HIVEP3: variants seen among roughly 807,000 people sequenced by gnomAD.
The protein encoded by HIVEP3 is transcription factor HIVEP3.
HIVEP3 carries 49 observed loss-of-function variants against 152.8 expected under a neutral mutation model. The ratio of observed to expected loss-of-function variants is 0.32; its 90% CI spans 0.26 to 0.41. The LOEUF is 0.41. HIVEP3 is among the 10% of genes least tolerant of loss of function. HIVEP3 has a pLI of 1.00. For synonymous variants in HIVEP3, 1,269 were observed against 1,289.0 expected (o/e 0.98, Z 0.33); for missense variants, 2,790 against 3,103.3 (o/e 0.90, Z 2.40).
intron 1 of HIVEP3, among the ~76,000 whole-genome samples, chr1:42,006,574 A>C (rs1208945565): frequency 1.3e-5 from 2 of 151,912 alleles, no homozygotes; most frequent in Non-Finnish European, 2.9e-5. Context: ...AGCCAAAAAA[A>C]AAAAAAAAAA....
At chr1:41,552,090 C>T (rs1424714726) in intron 5 of HIVEP3, among the ~76,000 whole-genome samples, 3 of 152,148 alleles carry the variant, frequency 2.0e-5, no homozygotes, top group Non-Finnish European at 2.9e-5. Flanking sequence ...TGTCTTTGTT[C>T]TCATTGGTTT....
At chr1:41,789,362 T>C (rs970498349) in intron 1 of HIVEP3, among the ~76,000 whole-genome samples, 4 of 152,130 alleles carry the variant, frequency 2.6e-5, no homozygotes, top group Non-Finnish European at 5.9e-5. Context: ...GGGAAATGAG[T>C]TCATATGCGT....
At chr1:41,544,479 G>A (rs1423206157) in intron 5 of HIVEP3, among the ~76,000 whole-genome samples, 2 of 151,838 alleles carry the variant, frequency 1.3e-5, no homozygotes, top group Admixed American at 6.6e-5. Flanking sequence ...TTGCTAGTGA[G>A]AGAACTATTC....
chr1:41,611,998 C>T (rs1443451843), intron 3 of HIVEP3, among the ~76,000 whole-genome samples: 1 of 152,038 alleles, frequency 6.6e-6, no homozygotes, highest in Non-Finnish European at 1.5e-5. Context: ...CTACAGGACC[C>T]AACCTCACCT....
At chr1:41,638,012 A>T (rs1392118018) in intron 2 of HIVEP3, among the ~76,000 whole-genome samples, 1 of 152,194 alleles carries the variant, frequency 6.6e-6, no homozygotes, top group Non-Finnish European at 1.5e-5. Flanking sequence ...ATGTGTACAC[A>T]TGGACACGAA....
intron 5 of HIVEP3, among the ~76,000 whole-genome samples, chr1:41,557,879 T>C (rs1643992505): frequency 6.6e-6 from 1 of 152,190 alleles, no homozygotes; most frequent in Admixed American, 6.5e-5. Flanking sequence ...TGGTGAGGCA[T>C]GGCGAGAACC....
chr1:41,862,397 T>A (rs1224181330), intron 1 of HIVEP3, among the ~76,000 whole-genome samples: 1 of 152,202 alleles, frequency 6.6e-6, no homozygotes, highest in Non-Finnish European at 1.5e-5. Context: ...TTCCTTCTGC[T>A]GAAATACTGT....
chr1:41,994,831 G>A (rs746463057), intron 1 of HIVEP3, among the ~76,000 whole-genome samples: 1 of 151,964 alleles, frequency 6.6e-6, no homozygotes, highest in Non-Finnish European at 1.5e-5. Flanking sequence ...AAGCCTATCT[G>A]CACAGAACAA....
At chr1:41,746,369 G>A (rs1160517157) in intron 1 of HIVEP3, among the ~76,000 whole-genome samples, 2 of 152,232 alleles carry the variant, frequency 1.3e-5, no homozygotes, top group Non-Finnish European at 2.9e-5. Context: ...AAATGGGACT[G>A]GCTGTGAAGT....
At chr1:41,844,943 AG>A (rs1643394330) in intron 1 of HIVEP3, among the ~76,000 whole-genome samples, 1 of 152,176 alleles carries the variant, frequency 6.6e-6, no homozygotes, top group African/African-American at 2.4e-5. Context: ...CAGCCTGGAG[AG>A]GGGAGAAGAG....
chr1:41,994,116 A>G (rs914183816), intron 1 of HIVEP3, among the ~76,000 whole-genome samples: 13 of 151,932 alleles, frequency 8.6e-5, no homozygotes, highest in African/African-American at 2.7e-4. Flanking sequence ...TAACCTGCAC[A>G]ATGTGCACAT....
chr1:42,015,357 C>T (rs1003559004), intron 1 of HIVEP3, among the ~76,000 whole-genome samples: 1 of 152,224 alleles, frequency 6.6e-6, no homozygotes, highest in African/African-American at 2.4e-5. Context: ...GGGCCTTACT[C>T]AGTGAGTGCC....
At chr1:41,904,524 G>A (rs1305926483) in intron 1 of HIVEP3, among the ~76,000 whole-genome samples, 1 of 152,150 alleles carries the variant, frequency 6.6e-6, no homozygotes, top group Non-Finnish European at 1.5e-5. Context: ...ATCCATGGAA[G>A]GTGCTTACCG....
chr1:41,998,186 G>T (rs545347113), intron 1 of HIVEP3, among the ~76,000 whole-genome samples: 1 of 151,928 alleles, frequency 6.6e-6, no homozygotes, highest in Non-Finnish European at 1.5e-5. Flanking sequence ...TTTTTAAAAG[G>T]AAAGCCAATA....
At chr1:41,553,246 T>G (rs1333765333) in intron 5 of HIVEP3, among the ~76,000 whole-genome samples, 1 of 152,242 alleles carries the variant, frequency 6.6e-6, no homozygotes, top group African/African-American at 2.4e-5. Context: ...CCTTTACCAT[T>G]ATGTAATGGC....
intron 1 of HIVEP3, among the ~76,000 whole-genome samples, chr1:41,867,383 G>A (rs1557464802): frequency 6.6e-6 from 1 of 152,136 alleles, no homozygotes; most frequent in Non-Finnish European, 1.5e-5. Context: ...AGTTTGAGGT[G>A]CCATATAAAA....
chr1:41,622,775 A>T (rs1645064960), intron 3 of HIVEP3, among the ~76,000 whole-genome samples: 1 of 152,240 alleles, frequency 6.6e-6, no homozygotes. Flanking sequence ...GGAGCAGGCA[A>T]GCCAGGGGAA....
intron 5 of HIVEP3, among the ~76,000 whole-genome samples, chr1:41,539,497 G>C (rs771975697): frequency 6.6e-6 from 1 of 152,200 alleles, no homozygotes; most frequent in Non-Finnish European, 1.5e-5. Context: ...GGTGGGGCTG[G>C]ACCTAGCCCA....
At chr1:41,594,389 A>C (rs945986227) in intron 3 of HIVEP3, among the ~76,000 whole-genome samples, 1 of 151,650 alleles carries the variant, frequency 6.6e-6, no homozygotes, top group Admixed American at 6.6e-5. Flanking sequence ...CACCCAGATA[A>C]TTTTCGTATT....
Sources: allele counts gnomAD v4.1 joint callset (sites outside exome capture counted in the v4.1 genomes callset), GRCh38; gene constraint gnomAD v4.1.1; transcripts MANE v1.5; gene names NCBI Gene and HGNC (gene_info 2026-07-23, HGNC 2026-07-21).